CHSY3: variants seen among roughly 807,000 people sequenced by gnomAD.
The protein encoded by CHSY3 is chondroitin sulfate synthase 3.
A neutral mutation model predicts 67.2 loss-of-function variants in CHSY3; 35 were observed. The observed-to-expected ratio is 0.52, with a 90% CI of 0.40 to 0.69. The LOEUF is 0.69. Among genes scored for constraint, CHSY3 ranks in the 30% least tolerant of loss-of-function variants. The pLI is 0.00. For synonymous variants in CHSY3, 474 were observed against 434.7 expected (o/e 1.09, Z -1.12); for missense variants, 1,069 against 1,138.5 (o/e 0.94, Z 0.88).
At chr5:130,058,501 C>T (rs1765606251) in intron 2 of CHSY3, among the ~76,000 whole-genome samples, 1 of 152,076 alleles carries the variant, frequency 6.6e-6, no homozygotes, top group African/African-American at 2.4e-5. Flanking sequence ...GTGGCATGTG[C>T]CTGTAATCCC....
intron 2 of CHSY3, among the ~76,000 whole-genome samples, chr5:129,962,020 A>G (rs1056625934): frequency 6.6e-6 from 1 of 152,000 alleles, no homozygotes; most frequent in Admixed American, 6.6e-5. Context: ...CCTAAGTTAC[A>G]TACATAACAG....
chr5:130,127,665 G>A (rs1023314714), intron 2 of CHSY3, among the ~76,000 whole-genome samples: 1 of 152,106 alleles, frequency 6.6e-6, no homozygotes, highest in Admixed American at 6.6e-5. Flanking sequence ...AGTCACAAAG[G>A]TAATAAGAAC....
At chr5:129,947,406 T>C (rs889583158) in intron 2 of CHSY3, among the ~76,000 whole-genome samples, 1 of 152,014 alleles carries the variant, frequency 6.6e-6, no homozygotes, top group African/African-American at 2.4e-5. Context: ...GGTGATTCAC[T>C]TGGGCCCAGG....
intron 2 of CHSY3, among the ~76,000 whole-genome samples, chr5:129,917,055 T>G (rs949591912): frequency 6.6e-6 from 1 of 152,232 alleles, no homozygotes; most frequent in Non-Finnish European, 1.5e-5. Flanking sequence ...GTAATTTTCT[T>G]GTATATTAAT....
At position 129,905,486 on chromosome 5, in the gene CHSY3, A is replaced by G; in HGVS notation, c.657A>G (p.Pro219=). ...CCCCCAACGCCGGCCAGCCCCCGCCACCCCTGCCTGTCATCGCGCTACCGG... is the reference window on the plus strand; with the variant it reads ...CCCCCAACGCCGGCCAGCCCCCGCCGCCCCTGCCTGTCATCGCGCTACCGG... The part of the protein sequence containing the change: ...QQPPNAGQPP[P]PLPVIALPGV... Residue 219 remains proline, a synonymous_variant, in exon 1 of 3, where the codon CCA becomes CCG. Transcript: ENST00000305031. 1.2e-6 allele frequency: 2 copies of G among 1,612,598 alleles called. No homozygotes were observed. The highest frequency in any genetic ancestry group is 1.7e-6 in the Non-Finnish European group (2 of 1,179,900).
At chr5:129,975,200 C>T (rs1580602639) in intron 2 of CHSY3, among the ~76,000 whole-genome samples, 2 of 152,018 alleles carry the variant, frequency 1.3e-5, no homozygotes, top group Admixed American at 1.3e-4. Flanking sequence ...ACATTGTGCA[C>T]ATGTACCCTA....
intron 2 of CHSY3, among the ~76,000 whole-genome samples, chr5:130,045,765 G>A (rs1045642683): frequency 6.6e-6 from 1 of 152,158 alleles, no homozygotes. Context: ...GTACATTTTC[G>A]GAGATGGAAA....
At chr5:130,000,732 C>CTTCTT (rs776331371) in intron 2 of CHSY3, among the ~76,000 whole-genome samples, 4 of 76,470 alleles carry the variant, frequency 5.2e-5, no homozygotes, top group East Asian at 9.6e-4. Flanking sequence ...AACTTTTCTT[C>CTTCTT]TTTTTTTTTT....
intron 2 of CHSY3, among the ~76,000 whole-genome samples, chr5:130,081,236 G>T (rs1401094786): frequency 6.6e-6 from 1 of 151,726 alleles, no homozygotes; most frequent in Non-Finnish European, 1.5e-5. Context: ...CTGGACTTCA[G>T]TCAGATAAAG....
intron 2 of CHSY3, among the ~76,000 whole-genome samples, chr5:130,049,814 C>G (rs756218057): frequency 2.0e-5 from 3 of 148,972 alleles, no homozygotes; most frequent in Non-Finnish European, 4.4e-5. Context: ...CACGCCTCTT[C>G]TTTAACAATT....
intron 2 of CHSY3, among the ~76,000 whole-genome samples, chr5:130,006,047 T>C (rs1763863888): frequency 6.6e-6 from 1 of 152,182 alleles, no homozygotes; most frequent in Non-Finnish European, 1.5e-5. Context: ...TACTAATTTG[T>C]GTCAAATTAA....
chr5:129,984,627 T>C (rs552608172), intron 2 of CHSY3, among the ~76,000 whole-genome samples: 2 of 152,306 alleles, frequency 1.3e-5, no homozygotes, highest in East Asian at 3.9e-4. Context: ...ACTGAGCTAA[T>C]TTACATTACC....
At chr5:129,938,312 G>T (rs1201816385) in intron 2 of CHSY3, among the ~76,000 whole-genome samples, 1 of 152,238 alleles carries the variant, frequency 6.6e-6, no homozygotes, top group Non-Finnish European at 1.5e-5. Flanking sequence ...TGCTGGGAAG[G>T]TCTCTGAAAT....
intron 2 of CHSY3, among the ~76,000 whole-genome samples, chr5:130,091,544 C>G (rs1766881595): frequency 6.6e-6 from 1 of 151,978 alleles, no homozygotes; most frequent in Admixed American, 6.6e-5. Context: ...CCCTCTAGGT[C>G]AAAGTACCAT....
rs112570550 is a variant in CHSY3, at chr5:130,128,229, G to GGTGTGTGTGTGTGTGT, written c.1087-55990_1087-55975dup. Among the ~76,000 whole-genome samples, 421 of 147,470 alleles carry GGTGTGTGTGTGTGTGT rather than the reference G, an allele frequency of 2.9e-3. 2 individuals carry two copies. The highest frequency in any genetic ancestry group is 9.8e-3 in the African/African-American group (391 of 39,764). Reference sequence around the variant, plus strand: ...GCCAAGATGTGGAAGAAGAAAATGTGGTGTGTGTGTGTGTGTGTGTGTGTG... The same window carrying GGTGTGTGTGTGTGTGT: ...GCCAAGATGTGGAAGAAGAAAATGTGGTGTGTGTGTGTGTGTGTGTGTGTGTGTGTGTGTGTGTGTG... On this transcript the variant is annotated intron_variant, in intron 2 of 2. Coordinates refer to ENST00000305031, the MANE Select transcript of CHSY3 (RefSeq NM_175856.5).
intron 2 of CHSY3, among the ~76,000 whole-genome samples, chr5:129,994,939 C>G (rs976548871): frequency 6.6e-6 from 1 of 151,918 alleles, no homozygotes; most frequent in Non-Finnish European, 1.5e-5. Flanking sequence ...GGAGATATAC[C>G]TAATGCTAAA....
At chr5:130,087,146 A>G (rs1036225905) in intron 2 of CHSY3, among the ~76,000 whole-genome samples, 10 of 151,770 alleles carry the variant, frequency 6.6e-5, no homozygotes, top group African/African-American at 1.2e-4. Context: ...ATGCAGAAAA[A>G]GCCTTTGACA....
chr5:130,172,061 T>A (rs2149733105), intron 2 of CHSY3, among the ~76,000 whole-genome samples: 1 of 152,302 alleles, frequency 6.6e-6, no homozygotes, highest in South Asian at 2.1e-4. Context: ...GTCTGGGTGG[T>A]GAGGTCTGCT....
At chr5:130,156,191 G>C (rs558105105) in intron 2 of CHSY3, among the ~76,000 whole-genome samples, 1 of 152,112 alleles carries the variant, frequency 6.6e-6, no homozygotes, top group African/African-American at 2.4e-5. Context: ...AAAGAGAGAC[G>C]TTCAAGTTAC....
Sources: gnomAD v4.1 joint callset for allele counts (sites outside exome capture counted in the v4.1 genomes callset) on GRCh38, gnomAD v4.1.1 for gene constraint, MANE v1.5 for transcripts, NCBI Gene and HGNC (gene_info 2026-07-23, HGNC 2026-07-21) for gene names.